Variants in MARCO observed in about 807,000 individuals in gnomAD.
MARCO encodes the protein macrophage receptor with collagenous structure, also known as macrophage receptor MARCO.
Under a neutral mutation model 70.0 loss-of-function variants are expected in MARCO, and 72 were observed. That is an observed-to-expected ratio of 1.03 (90% CI 0.85 to 1.25). The LOEUF (loss-of-function observed/expected upper bound fraction) is 1.25. Among genes scored for constraint, MARCO ranks in the 50% most tolerant of loss-of-function variants. MARCO has a pLI of 0.00. For missense variants in MARCO, 696 were observed against 659.3 expected (o/e 1.06, Z -0.61); for synonymous variants, 273 against 243.1 (o/e 1.12, Z -1.14).
In MARCO at chr2:118,970,350, TC is replaced by T. The variant is rs1680142734; in HGVS notation, c.424+16del. On this transcript the variant is annotated intron_variant, in intron 3 of 16. Transcript: ENST00000327097. ...CACTCAGAACCCAGGTTTGGCCTCC[TC>T]CCCTCTGGGTCAGGACTTCTCAACA... The T allele has an allele frequency of 2.5e-6, 4 of 1,597,218 alleles. No homozygotes were observed. Among genetic ancestry groups the T allele is most frequent in the Non-Finnish European group, 3.4e-6 (4 of 1,169,170 alleles).
intron 1 of MARCO, among the ~76,000 whole-genome samples, chr2:118,954,460 T>C (rs1166957576): frequency 5.9e-5 from 9 of 152,186 alleles, no homozygotes; most frequent in Admixed American, 5.9e-4. Flanking sequence ...GTCCCACCCC[T>C]GGACCTGATG....
intron 12 of MARCO, among the ~76,000 whole-genome samples, chr2:118,982,788 G>A (rs1171712980): frequency 6.6e-6 from 1 of 152,290 alleles, no homozygotes; most frequent in Non-Finnish European, 1.5e-5. Flanking sequence ...TCAGGCTGGA[G>A]GGTCCAGAAA....
chr2:118,980,449 C>T (rs1383068291), intron 8 of MARCO, among the ~76,000 whole-genome samples: 1 of 152,226 alleles, frequency 6.6e-6, no homozygotes, highest in African/African-American at 2.4e-5. Context: ...CCTTCTTCCT[C>T]ACCTCTTCAG....
At chr2:118,968,683 A>G (rs752462847) in intron 1 of MARCO, among the ~76,000 whole-genome samples, 37 of 152,244 alleles carry the variant, frequency 2.4e-4, no homozygotes, top group Non-Finnish European at 4.7e-4. Flanking sequence ...AGGAAAAAAA[A>G]GACCTAGACA....
chr2:118,954,016 G>T (rs1278862189), intron 1 of MARCO, among the ~76,000 whole-genome samples: 4 of 152,186 alleles, frequency 2.6e-5, no homozygotes, highest in South Asian at 2.1e-4. Flanking sequence ...AGGGAGAAAG[G>T]ATTCTCTAGC....
chr2:118,974,350 G>C lies in MARCO; in HGVS notation c.478G>C (p.Gly160Arg), dbSNP rs1265745978. 2 of 1,603,408 alleles carry C rather than the reference G, an allele frequency of 1.2e-6. No homozygotes were observed. Among genetic ancestry groups the C allele is most frequent in the South Asian group, 2.3e-5 (2 of 88,854 alleles). Residue 160 changes from glycine (G) to arginine (R), a missense_variant, in exon 5 of 17, where the codon GGG (glycine) becomes CGG (arginine). Coordinates refer to ENST00000327097, the MANE Select transcript of MARCO (RefSeq NM_006770.4). ...QGAPGLQGHK[G>R]AMGMPGAPGP... ...TTCCTCAGGTCTTCAAGGTCACAAG[G>C]GGGCCATGGGCATGCCTGGTGCCCC...
intron 1 of MARCO, among the ~76,000 whole-genome samples, chr2:118,954,151 G>A (rs557177512): frequency 7.9e-5 from 12 of 152,362 alleles, no homozygotes; most frequent in Non-Finnish European, 1.8e-4. Flanking sequence ...TGGCAGCTGG[G>A]AGGCAGAGAA....
intron 12 of MARCO, among the ~76,000 whole-genome samples, chr2:118,983,837 A>G (rs1318035316): frequency 3.9e-5 from 6 of 151,942 alleles, no homozygotes; most frequent in African/African-American, 1.5e-4. Flanking sequence ...AACGGTTCTC[A>G]ACTAACCAAG....
At chr2:118,992,192 GACCAAGCATCCCTC>G (rs1326805422) in intron 14 of MARCO, among the ~76,000 whole-genome samples, 7 of 152,144 alleles carry the variant, frequency 4.6e-5, no homozygotes, top group Non-Finnish European at 8.8e-5. Flanking sequence ...TCTCTGACCA[GACCAAGCATCCCTC>G]ACCAATCTAA....
rs187359413 is a variant in MARCO at position 118,946,119 on chromosome 2, G to C, written c.97+3722G>C. Among the ~76,000 whole-genome samples, 566 of 152,174 alleles carry C rather than the reference G, an allele frequency of 3.7e-3. 2 individuals are homozygous for C. The highest frequency in any genetic ancestry group is 0.013 in the African/African-American group (544 of 41,530). On this transcript the variant is annotated intron_variant, in intron 1 of 16. Transcript: ENST00000327097. The stretch of plus-strand genomic sequence containing the variant: ...AGTAGTTATAGAGTCAGAGAAAATT[G>C]CAAAAAATGTACAGAGAAGCTTTTC...
At chr2:118,982,109 G>A (rs772197971) in intron 10 of MARCO, 47 bp from the exon 11 acceptor site, 3 of 1,407,164 alleles carry the variant, frequency 2.1e-6, no homozygotes, top group African/African-American at 2.8e-5. Flanking sequence ...GGGTATCTGG[G>A]CCCTCTGCCA....
chr2:118,989,633 T>C (rs922537283), intron 12 of MARCO, among the ~76,000 whole-genome samples: 34 of 152,092 alleles, frequency 2.2e-4, no homozygotes, highest in African/African-American at 6.0e-4. Context: ...AATCCAGGGA[T>C]TGAAGTGAGA....
chr2:118,961,575 TC>T (rs1210691131), intron 1 of MARCO, among the ~76,000 whole-genome samples: 1 of 152,236 alleles, frequency 6.6e-6, no homozygotes, highest in Non-Finnish European at 1.5e-5. Flanking sequence ...TGTTTTTTTT[TC>T]TTGTAAATTT....
rs1192675009 is a variant in MARCO at position 118,986,668 on chromosome 2, GGAAGGAAA to G, written c.1064-3917_1064-3910del. On this transcript the variant is annotated intron_variant, in intron 12 of 16. Transcript: ENST00000327097. ...AAGAAAGAAAGAAGGAAGGAAGGAA[GGAAGGAAA>G]GAAAGAAAGAAAGAAAGAAAGAAAG... 3.8e-3 allele frequency among the ~76,000 whole-genome samples: 185 copies of G among 48,474 alleles called. 9 individuals are homozygous for G. Among genetic ancestry groups the G allele is most frequent in the Non-Finnish European group, 3.7e-3 (114 of 31,060 alleles). The allele number at this position is 48,474 out of a possible 152,430, so 31.8% of individuals were successfully genotyped here. A position where few individuals can be genotyped will look rare whatever the true frequency, so the allele number is the denominator to read the frequency against.
intron 8 of MARCO, among the ~76,000 whole-genome samples, chr2:118,979,826 C>A (rs1044462622): frequency 1.3e-5 from 2 of 152,208 alleles, no homozygotes; most frequent in African/African-American, 4.8e-5. Context: ...CAAGAGAGAC[C>A]TGACCCCAAT....
chr2:118,960,337 C>T (rs886957100), intron 1 of MARCO, among the ~76,000 whole-genome samples: 3 of 151,986 alleles, frequency 2.0e-5, no homozygotes, highest in Non-Finnish European at 4.4e-5. Context: ...TGCCTTGTTT[C>T]GAATCTTAAG....
chr2:118,981,808 C>A, intron 10 of MARCO, 152 bp downstream of exon 10: 1 of 830,668 alleles, frequency 1.2e-6, no homozygotes, highest in Non-Finnish European at 2.0e-6. Context: ...CCAAGAGGAA[C>A]AGAGCAGCCA....
At chr2:118,948,996 G>C (rs1342192056) in intron 1 of MARCO, among the ~76,000 whole-genome samples, 3 of 152,212 alleles carry the variant, frequency 2.0e-5, no homozygotes, top group Non-Finnish European at 4.4e-5. Flanking sequence ...TCTTGGAAGT[G>C]ACTGACTTCA....
chr2:118,975,940 C>A (rs1256806690), intron 6 of MARCO, among the ~76,000 whole-genome samples: 1 of 152,182 alleles, frequency 6.6e-6, no homozygotes, highest in East Asian at 1.9e-4. Flanking sequence ...CACACTCAGC[C>A]TGTGGGGGCT....
Sources: allele counts gnomAD v4.1 joint callset (sites outside exome capture counted in the v4.1 genomes callset), GRCh38; gene constraint gnomAD v4.1.1; transcripts MANE v1.5; gene names NCBI Gene and HGNC (gene_info 2026-07-23, HGNC 2026-07-21).